The following MYH14 variants were observed in gnomAD, a reference collection of about 807,000 sequenced individuals.
MYH14 encodes the protein myosin-14.
A neutral mutation model predicts 255.5 loss-of-function variants in MYH14; 123 were observed. The observed-to-expected ratio is 0.48, with a 90% CI of 0.42 to 0.56. The LOEUF (loss-of-function observed/expected upper bound fraction) is 0.56. Ranked by LOEUF, MYH14 falls within the 20% of genes least tolerant of loss-of-function variation. The probability of loss-of-function intolerance (pLI) is 0.00; values close to 1 mark genes in which losing one functional copy is unlikely to be tolerated. For synonymous variants in MYH14, 1,095 were observed against 1,161.2 expected (o/e 0.94, Z 1.16); for missense variants, 2,423 against 2,802.3 (o/e 0.86, Z 3.06).
At chr19:50,265,359 A>C (rs980238115) in intron 22 of MYH14, among the ~76,000 whole-genome samples, 7 of 151,778 alleles carry the variant, frequency 4.6e-5, no homozygotes, top group South Asian at 2.1e-4. Context: ...CAAAAAAAAA[A>C]AAAACAAAAA....
chr19:50,260,783 GTGTGTGTGC>G (rs2034805285), intron 20 of MYH14, 68 bp downstream of exon 20: 6 of 1,204,178 alleles, frequency 5.0e-6, no homozygotes, highest in African/African-American at 3.3e-5. Context: ...GTGCGTGCAT[GTGTGTGTGC>G]ATGCATATGT....
At chr19:50,286,891 G>A (rs111403438) in intron 34 of MYH14, among the ~76,000 whole-genome samples, 197 bp downstream of exon 34, 2,778 of 152,276 alleles carry the variant, frequency 0.018, 47 homozygotes, top group Non-Finnish European at 0.026. Context: ...GCCAAGGTGG[G>A]CGGATCACCT....
intron 10 of MYH14, among the ~76,000 whole-genome samples, chr19:50,240,733 T>G (rs1202634359): frequency 6.6e-6 from 1 of 151,874 alleles, no homozygotes; most frequent in Non-Finnish European, 1.5e-5. Context: ...GGCCAGGAGT[T>G]GGAGACCAGC....
intron 7 of MYH14, 37 bp from the exon 8 acceptor site, chr19:50,226,866 C>T: frequency 6.2e-7 from 1 of 1,606,930 alleles, no homozygotes; most frequent in Non-Finnish European, 8.5e-7. Flanking sequence ...GGGAAGGGGA[C>T]CCTCTGCTGA....
At chr19:50,257,178 G>T in intron 17 of MYH14, 121 bp from the exon 18 acceptor site, 1 of 742,516 alleles carries the variant, frequency 1.3e-6, no homozygotes, top group Non-Finnish European at 2.1e-6. Context: ...TACAGGCTGT[G>T]TGAGGTCCTT....
chr19:50,293,496 A>T lies in MYH14; in HGVS notation c.5346-68A>T. 2 of 1,593,728 alleles carry T rather than the reference A, an allele frequency of 1.3e-6. No homozygotes were observed. Among genetic ancestry groups the T allele is most frequent in the Non-Finnish European group, 1.7e-6 (2 of 1,169,328 alleles). ...CGTGGGGCTAACCACAGGGTCCTGT[A>T]GTGTGAGGCAAGGCACCCTCCTCTG... On this transcript the variant is annotated intron_variant, in intron 38 of 42. Coordinates refer to ENST00000642316, the MANE Select transcript of MYH14 (RefSeq NM_001145809.2). This position sits in a 1 kb window ranked among gnomAD's most constrained non-coding sequence, Gnocchi z 4.1.
intron 2 of MYH14, among the ~76,000 whole-genome samples, chr19:50,211,540 A>G (rs932980275): frequency 6.6e-6 from 1 of 152,212 alleles, no homozygotes; most frequent in Non-Finnish European, 1.5e-5. Context: ...TTTCTAAAAT[A>G]CATTGCCTCT....
At chr19:50,269,089 T>C (rs2035201580) in intron 24 of MYH14, among the ~76,000 whole-genome samples, 1 of 152,254 alleles carries the variant, frequency 6.6e-6, no homozygotes, top group Admixed American at 6.5e-5. Context: ...TGTCTGGTTT[T>C]AAATTTAAAA....
At chr19:50,207,440 G>A (rs1023682701) in intron 1 of MYH14, among the ~76,000 whole-genome samples, 25 of 152,112 alleles carry the variant, frequency 1.6e-4, no homozygotes, top group African/African-American at 5.8e-4. Context: ...TGGTGGGAGG[G>A]GCCTAACACA....
chr19:50,217,734 C>T lies in MYH14; in HGVS notation c.525C>T (p.Tyr175=), dbSNP rs200303247. ...GCCACGAGGTGCCACCCCACGTGTA[C>T]GCAGTGACCGAGGGGGCCTATCGGA... ...KKRHEVPPHV[Y]AVTEGAYRSM... The change falls in exon 3 of 43, where the codon TAC becomes TAT. Residue 175 remains tyrosine (Y), a synonymous_variant. Transcript: ENST00000642316. The T allele has an allele frequency of 2.0e-5, 32 of 1,613,928 alleles. No homozygotes were observed. Among genetic ancestry groups the T allele is most frequent in the South Asian group, 8.8e-5 (8 of 91,090 alleles).
In MYH14 at chr19:50,310,454, T is replaced by C. The variant is rs553952601; in HGVS notation, c.*664T>C. The C allele has an allele frequency of 6.5e-6, 1 of 153,230 alleles. No homozygotes were observed. The highest frequency in any genetic ancestry group is 2.4e-5 in the African/African-American group (1 of 41,554). 9.5% of individuals were successfully genotyped at this position (153,230 alleles called of 1,614,324 possible). A position where few individuals can be genotyped will look rare whatever the true frequency, so the allele number is the denominator to read the frequency against. On this transcript the variant is annotated 3_prime_UTR_variant, in exon 43 of 43. Coordinates refer to ENST00000642316, the MANE Select transcript of MYH14 (RefSeq NM_001145809.2). ...CCCTCCCTTCTGGTTGCTCTGAGGG[T>C]TCGGAGCTTCCCTCTGGGACTAAAG...
At position 50,266,805 on chromosome 19, in the gene MYH14, C is replaced by T; in HGVS notation, c.2695-72C>T. The T allele has an allele frequency of 6.5e-7, 1 of 1,539,988 alleles. No homozygotes were observed. The highest frequency in any genetic ancestry group is 8.8e-7 in the Non-Finnish European group (1 of 1,137,710). The stretch of plus-strand genomic sequence containing the variant: ...AGGAGAAGGGATTTGAACCCAGAAA[C>T]TCAAACCCCACTAAGAGTGTGAGGT... On this transcript the variant is annotated intron_variant, in intron 22 of 42. Coordinates refer to ENST00000642316, the MANE Select transcript of MYH14 (RefSeq NM_001145809.2). This position sits in a 1 kb window ranked among gnomAD's most constrained non-coding sequence, Gnocchi z 4.1.
chr19:50,293,797 T>G lies in MYH14; in HGVS notation c.5469+110T>G, dbSNP rs1285684131. 1.6e-6 allele frequency: 2 copies of G among 1,271,070 alleles called. No homozygotes were observed. Among genetic ancestry groups the G allele is most frequent in the East Asian group, 4.9e-5 (2 of 40,794 alleles). The allele number at this position is 1,271,070 out of a possible 1,614,324, so 78.7% of individuals were successfully genotyped here. ...GAAAGGGGATATTTGAGTTGGGTTT[T>G]GAAGGTTGAATAGGAGTTCTTAAAA... On this transcript the variant is annotated intron_variant, in intron 39 of 42. Coordinates refer to ENST00000642316, the MANE Select transcript of MYH14 (RefSeq NM_001145809.2). This position sits in a 1 kb window ranked among gnomAD's most constrained non-coding sequence, Gnocchi z 4.1.
At chr19:50,277,789 C>T (rs532545417) in intron 29 of MYH14, among the ~76,000 whole-genome samples, 6 of 152,070 alleles carry the variant, frequency 3.9e-5, no homozygotes, top group African/African-American at 7.2e-5. Flanking sequence ...TGGTGGTGGG[C>T]GCCTGTAATC....
At chr19:50,301,071 G>C (rs987756853) in intron 39 of MYH14, among the ~76,000 whole-genome samples, 3 of 152,166 alleles carry the variant, frequency 2.0e-5, no homozygotes, top group East Asian at 1.9e-4. Context: ...CCAGCAGAAG[G>C]CCTCGCTCAG....
At position 50,289,441 on chromosome 19, in the gene MYH14, T is replaced by C; in HGVS notation, c.4758T>C (p.His1586=). ...SSKDDVGKSV[H]ELERACRVAE... ...GCAGCTACTCTCCCCACCAGGTGCA[T>C]GAGCTGGAACGAGCCTGCCGGGTAG... The change falls in exon 35 of 43, where the codon CAT becomes CAC. Residue 1586 remains histidine, a synonymous_variant. Transcript: ENST00000642316. 1 of 1,607,410 alleles carries C rather than the reference T, an allele frequency of 6.2e-7. No homozygotes were observed. Among genetic ancestry groups the C allele is most frequent in the Non-Finnish European group, 8.5e-7 (1 of 1,177,330 alleles).
At chr19:50,290,863 G>A (rs2036048240) in intron 35 of MYH14, 24 bp from the exon 36 acceptor site, 6 of 1,547,166 alleles carry the variant, frequency 3.9e-6, no homozygotes, top group African/African-American at 1.4e-5. Context: ...TGTCTGACCC[G>A]GTCCCTCCTG....
chr19:50,204,700 G>C (rs761060017), intron 1 of MYH14, among the ~76,000 whole-genome samples: 1 of 152,114 alleles, frequency 6.6e-6, no homozygotes, highest in Non-Finnish European at 1.5e-5. Flanking sequence ...TTCGAGACCA[G>C]CTTGGGCAAC....
intron 3 of MYH14, 42 bp downstream of exon 3, chr19:50,217,813 C>T (rs2032570536): frequency 6.2e-7 from 1 of 1,600,638 alleles, no homozygotes; most frequent in Admixed American, 1.7e-5. Context: ...GGCGGCTCTT[C>T]AACGGGGGCC....
Sources: allele counts gnomAD v4.1 joint callset (sites outside exome capture counted in the v4.1 genomes callset), GRCh38; gene constraint gnomAD v4.1.1; non-coding constraint Gnocchi (gnomAD v3.1); transcripts MANE v1.5; gene names NCBI Gene and HGNC (gene_info 2026-07-23, HGNC 2026-07-21).